Variants in OFD1 observed in about 807,000 individuals in gnomAD.
OFD1 encodes the protein OFD1 centriole and centriolar satellite protein, also known as centriole and centriolar satellite protein OFD1.
A neutral mutation model predicts 81.4 loss-of-function variants in OFD1; 12 were observed. The ratio of observed to expected loss-of-function variants is 0.15; its 90% CI spans 0.09 to 0.24. OFD1 has a LOEUF of 0.24. Ranked by LOEUF, OFD1 falls within the 10% of genes least tolerant of loss-of-function variation. The pLI is 1.00. For synonymous variants in OFD1, 256 were observed against 263.7 expected (o/e 0.97, Z 0.28); for missense variants, 685 against 733.9 (o/e 0.93, Z 0.77).
chrX:13,755,009 A>T (rs1401475481), intron 11 of OFD1, 142 bp from the exon 12 acceptor site: 5 of 502,565 alleles, frequency 9.9e-6, no homozygotes, highest in African/African-American at 2.3e-5. Flanking sequence ...AACAGGGTTT[A>T]TTTCTTACTT....
chrX:13,731,397 A>G (rs183135946), upstream of OFD1, among the ~76,000 whole-genome samples: 1 of 112,563 alleles, frequency 8.9e-6, no homozygotes, highest in East Asian at 2.8e-4. Context: ...TCCCTAGATA[A>G]AAACAGATTA....
intron 22 of OFD1, 129 bp from the exon 23 acceptor site, chrX:13,768,937 A>G: frequency 5.3e-6 from 4 of 753,074 alleles, no homozygotes; most frequent in Non-Finnish European, 8.3e-6. Context: ...TGACTTGTGA[A>G]ATTGATCCTG....
At chrX:13,725,054 G>A in the OFD1 span, among the ~76,000 whole-genome samples, 1 of 113,066 alleles carries the variant, frequency 8.8e-6, no homozygotes, top group Non-Finnish European at 1.9e-5. Context: ...GGGGAGGGGT[G>A]TCCGCCATTG....
intron 12 of OFD1, 73 bp from the exon 13 acceptor site, chrX:13,756,505 A>G: frequency 2.4e-6 from 2 of 825,092 alleles, no homozygotes. Flanking sequence ...TGCTTAAAGG[A>G]GCCTGCCAGC....
chrX:13,761,571 A>G (rs918223492), intron 17 of OFD1, among the ~76,000 whole-genome samples: 10 of 112,675 alleles, frequency 8.9e-5, no homozygotes, highest in African/African-American at 3.2e-4. Flanking sequence ...GGTTATTTAT[A>G]AAGTTGGAAC....
chrX:13,750,051 A>G lies in OFD1; in HGVS notation c.935+518A>G, dbSNP rs139186459. Among the ~76,000 whole-genome samples, 2,088 of 112,319 alleles carry G rather than the reference A, an allele frequency of 0.019. 41 individuals carry two copies. Among genetic ancestry groups the G allele is most frequent in the African/African-American group, 0.064 (1,989 of 30,888 alleles). On this transcript the variant is annotated intron_variant, in intron 9 of 22. Transcript: ENST00000340096. ...GGATTGATGGCAAGTTCACCTGTCT[A>G]TAGTTTGTGCAATAAGCCTTCTCTT...
chrX:13,767,146 T>A lies in OFD1; in HGVS notation c.2619T>A (p.Ile873=), dbSNP rs797045847. The change falls in exon 20 of 23, where the codon ATT becomes ATA. Residue 873 remains isoleucine, a synonymous_variant. Coordinates refer to ENST00000340096, the MANE Select transcript of OFD1 (RefSeq NM_003611.3). ...TATTAGGTGTAGATCAGAAACAAAT[T>A]GAAGAACAAAAGGAAGAAGAAAAAA... ...YQHPSVDQKQ[I]EEQKEEEKIR... is the part of the protein sequence containing the mutation. 2.5e-6 allele frequency: 3 copies of A among 1,187,112 alleles called. No individual in the cohort carries two copies. The highest frequency in any genetic ancestry group is 3.4e-6 in the Non-Finnish European group (3 of 883,516).
intron 21 of OFD1, 142 bp downstream of exon 21, chrX:13,768,366 C>A: frequency 1.9e-6 from 1 of 523,603 alleles, no homozygotes; most frequent in Non-Finnish European, 3.3e-6. Context: ...CAAATGGAAC[C>A]TTGAGTCTTT....
At chrX:13,746,476 G>A (rs2047301823) in intron 7 of OFD1, 21 bp downstream of exon 7, 1 of 1,198,580 alleles carries the variant, frequency 8.3e-7, no homozygotes, top group Non-Finnish European at 1.1e-6. Context: ...TCTTGTTACT[G>A]TAAACAAGAG....
intron 15 of OFD1, among the ~76,000 whole-genome samples, chrX:13,759,584 T>A (rs2047848735): frequency 8.9e-6 from 1 of 111,978 alleles, no homozygotes; most frequent in Non-Finnish European, 1.9e-5. Flanking sequence ...GAGAGTTTCT[T>A]GACCACAGTG....
rs183202009 is a variant in OFD1, at chrX:13,769,111, A to G, written c.*3A>G. 1.8e-4 allele frequency: 212 copies of G among 1,183,109 alleles called. No homozygotes were observed. In the African/African-American group the frequency reaches 3.6e-3, roughly 20 times the overall value. Reference sequence around the variant, plus strand: ...AAGAACTAGACGACTCTTGGTAACCATGTTTGCTGCCCAGCTTCTAACTTA... The same window carrying G: ...AAGAACTAGACGACTCTTGGTAACCGTGTTTGCTGCCCAGCTTCTAACTTA... On this transcript the variant is annotated 3_prime_UTR_variant, in exon 23 of 23. Transcript: ENST00000340096.
At chrX:13,761,283 T>C in intron 17 of OFD1, 72 bp downstream of exon 17, 1 of 1,067,271 alleles carries the variant, frequency 9.4e-7, no homozygotes, top group Non-Finnish European at 1.3e-6. Flanking sequence ...TCACTTGTTT[T>C]ACTGGGATTT....
chrX:13,736,351 C>G, intron 2 of OFD1, 127 bp from the exon 3 acceptor site: 1 of 1,097,827 alleles, frequency 9.1e-7, no homozygotes, highest in African/African-American at 1.8e-5. Context: ...GATCTAGAAC[C>G]ATTATGGAAA....
At chrX:13,760,811 C>G (rs1275588424) in intron 16 of OFD1, 91 bp downstream of exon 16, 115 of 1,093,460 alleles carry the variant, frequency 1.1e-4, no homozygotes, top group Non-Finnish European at 5.0e-5. Context: ...GTCAGCGGGC[C>G]AGAGTGGCAA....
chrX:13,728,630 C>T, the OFD1 span, among the ~76,000 whole-genome samples: 1 of 111,600 alleles, frequency 9.0e-6, no homozygotes, highest in South Asian at 3.7e-4. Flanking sequence ...TATGACAAAC[C>T]CACAGCCAAT....
intron 5 of OFD1, among the ~76,000 whole-genome samples, chrX:13,742,968 T>C (rs998752640): frequency 4.5e-5 from 5 of 111,878 alleles, no homozygotes; most frequent in African/African-American, 1.6e-4. Flanking sequence ...ATCCCCTTCC[T>C]GAAGGGAGTG....
intron 10 of OFD1, 110 bp downstream of exon 10, chrX:13,751,478 A>G: frequency 3.3e-6 from 2 of 613,549 alleles, no homozygotes; most frequent in Non-Finnish European, 5.1e-6. Context: ...GTGTTTGAAA[A>G]AAAAAAAACA....
chrX:13,751,119 C>T (rs946947959), intron 9 of OFD1, 130 bp from the exon 10 acceptor site: 1 of 576,261 alleles, frequency 1.7e-6, no homozygotes, highest in East Asian at 3.7e-5. Flanking sequence ...CTGGCTCTTT[C>T]CTTCTACTTC....
intron 4 of OFD1, 37 bp from the exon 5 acceptor site, chrX:13,738,957 TATAACTGA>T (rs764965729): frequency 4.2e-5 from 49 of 1,175,336 alleles, no homozygotes; most frequent in Non-Finnish European, 5.2e-5. Flanking sequence ...GTTTGTTAAT[TATAACTGA>T]ATAGCTGAAT....
Sources: allele counts gnomAD v4.1 joint callset (sites outside exome capture counted in the v4.1 genomes callset), GRCh38; gene constraint gnomAD v4.1.1; transcripts MANE v1.5; gene names NCBI Gene and HGNC (gene_info 2026-07-23, HGNC 2026-07-21).